The following POU2F1 variants were observed in gnomAD, a reference collection of about 807,000 sequenced individuals.
The protein encoded by POU2F1 is POU domain, class 2, transcription factor 1.
POU2F1 carries 16 observed loss-of-function variants against 84.9 expected under a neutral mutation model. The observed-to-expected ratio is 0.19, with a 90% confidence interval of 0.13 to 0.29. POU2F1 has a LOEUF of 0.29. POU2F1 is among the 10% of genes least tolerant of loss of function. The probability of loss-of-function intolerance (pLI) is 1.00; values close to 1 mark genes in which losing one functional copy is unlikely to be tolerated. For missense variants in POU2F1, 738 were observed against 942.6 expected (o/e 0.78, Z 2.84); for synonymous variants, 368 against 368.3 (o/e 1.00, Z 0.01).
chr1:167,358,122 CTTTTTTTTTT>C (rs763521021), intron 2 of POU2F1, among the ~76,000 whole-genome samples: 15 of 97,142 alleles, frequency 1.5e-4, no homozygotes, highest in African/African-American at 8.7e-5. Flanking sequence ...TTTTTCTTTT[CTTTTTTTTTT>C]TTTTTTTTTT....
Position 167,397,980 on chromosome 1 carries a change from C to A in POU2F1, c.1130-14C>A, listed in dbSNP as rs374910712. On this transcript the variant is annotated splice_polypyrimidine_tract_variant and intron_variant, in intron 10 of 15. Transcript: ENST00000367866. The stretch of plus-strand genomic sequence containing the variant: ...TCAGCTAATTTTATTTCTGTATTTT[C>A]TTCATTCTTACAGAGAACCTCTCAT... 4 of 1,600,496 alleles carry A rather than the reference C, an allele frequency of 2.5e-6. No individual in the cohort carries two copies. The African/African-American group carries it at 5.4e-5, about 22-fold the overall frequency.
intron 1 of POU2F1, among the ~76,000 whole-genome samples, chr1:167,315,452 A>G (rs1170875458): frequency 6.6e-6 from 1 of 152,112 alleles, no homozygotes; most frequent in Non-Finnish European, 1.5e-5. Flanking sequence ...AAACAGCCAA[A>G]AAGTCCCTCA....
chr1:167,343,779 T>C (rs1187812777), intron 2 of POU2F1, among the ~76,000 whole-genome samples: 1 of 151,310 alleles, frequency 6.6e-6, no homozygotes. Context: ...GGAACTGTAC[T>C]GTTGGGGAGT....
intron 1 of POU2F1, among the ~76,000 whole-genome samples, chr1:167,261,503 G>T (rs1332472169): frequency 6.6e-6 from 1 of 152,008 alleles, no homozygotes; most frequent in East Asian, 1.9e-4. Context: ...ATAGCTGTTG[G>T]CACAGTCTAG....
intron 2 of POU2F1, among the ~76,000 whole-genome samples, chr1:167,345,170 AAAAT>A (rs758627954): frequency 5.3e-5 from 8 of 152,186 alleles, no homozygotes; most frequent in East Asian, 1.9e-4. Context: ...AACTTAAAGT[AAAAT>A]AAATAAATAA....
intron 1 of POU2F1, among the ~76,000 whole-genome samples, chr1:167,277,451 G>A (rs552180868): frequency 7.6e-4 from 114 of 150,534 alleles, no homozygotes; most frequent in African/African-American, 2.6e-3. Flanking sequence ...TGTTCAGAAT[G>A]TCTGGGAACT....
Position 167,376,105 on chromosome 1 carries a change from A to G in POU2F1, c.668A>G (p.Asn223Ser), listed in dbSNP as rs767013357. The G allele has an allele frequency of 1.5e-5, 24 of 1,614,084 alleles. No individual in the cohort carries two copies. Among genetic ancestry groups the G allele is most frequent in the Middle Eastern group, 1.6e-4 (1 of 6,084 alleles). ...QQFVLVHPTT[N>S]LQPAQFIISQ... ...TTTGTGTTGGTGCATCCAACCACCA[A>G]TTTGCAGCCAGCGCAGTTTATCATC... The change falls in exon 7 of 16, where the codon AAT (asparagine) becomes AGT (serine). Residue 223 changes from asparagine (N) to serine (S), a missense_variant. This residue lies in a region of POU2F1 where 163 missense variants were observed against 214.4 expected (regional missense o/e 0.76). Transcript: ENST00000367866.
chr1:167,325,225 G>A (rs1656614284), intron 1 of POU2F1, among the ~76,000 whole-genome samples: 1 of 152,204 alleles, frequency 6.6e-6, no homozygotes, highest in Non-Finnish European at 1.5e-5. Context: ...GAAAAGAGAT[G>A]AAGGTTGGAA....
At chr1:167,413,170 TGTG>T in intron 15 of POU2F1, 56 bp downstream of exon 15, 2 of 1,217,576 alleles carry the variant, frequency 1.6e-6, no homozygotes, top group South Asian at 2.6e-5. Context: ...TGAGTGTGTG[TGTG>T]TGTGTGTGTG....
intron 2 of POU2F1, among the ~76,000 whole-genome samples, chr1:167,360,174 A>G (rs1028333253): frequency 5.3e-5 from 8 of 152,108 alleles, no homozygotes; most frequent in South Asian, 4.2e-4. Context: ...CAGTGTACCT[A>G]TCTCCTCAGT....
chr1:167,224,120 A>G (rs1414637257), intron 1 of POU2F1, among the ~76,000 whole-genome samples: 1 of 152,222 alleles, frequency 6.6e-6, no homozygotes, highest in Non-Finnish European at 1.5e-5. Flanking sequence ...AAAAGGATGG[A>G]TGTTGTTAAC....
intron 1 of POU2F1, among the ~76,000 whole-genome samples, chr1:167,306,759 T>C (rs1358590231): frequency 6.6e-6 from 1 of 152,204 alleles, no homozygotes; most frequent in Non-Finnish European, 1.5e-5. Flanking sequence ...TCTATGTCTG[T>C]CTTTGTTCAA....
rs1013784649 is a variant in POU2F1, at chr1:167,370,338, C to T, written c.282+124C>T. On this transcript the variant is annotated intron_variant, in intron 4 of 15. Transcript: ENST00000367866. ...TATTACCTTTTCAAAATTAGTGAAT[C>T]TCGTGAAGATTCAAATAATGATAAT... The T allele has an allele frequency of 4.2e-6, 3 of 714,912 alleles. No homozygotes were observed. The South Asian group carries it at 1.2e-4, about 28-fold the overall frequency. The allele number at this position is 714,912 out of a possible 1,614,324, so 44.3% of individuals were successfully genotyped here.
Position 167,393,984 on chromosome 1 carries a change from CATTTTATTTTATTTTATTTT to C in POU2F1, c.988-2277_988-2258del, listed in dbSNP as rs72197092. ...GTGAATATTTGATTGAATGAAGTAA[CATTTTATTTTATTTTATTTT>C]ATTTTATTTTATTTTATTTTATTTA... On this transcript the variant is annotated intron_variant, in intron 9 of 15. Transcript: ENST00000367866. Among the ~76,000 whole-genome samples, 36 of 148,424 alleles carry C rather than the reference CATTTTATTTTATTTTATTTT, an allele frequency of 2.4e-4. No individual in the cohort carries two copies. In the East Asian group the frequency reaches 4.5e-3, roughly 19 times the overall value.
chr1:167,287,473 G>A (rs944990033), intron 1 of POU2F1, among the ~76,000 whole-genome samples: 8 of 152,096 alleles, frequency 5.3e-5, no homozygotes, highest in African/African-American at 1.9e-4. Flanking sequence ...ACATCAGAAA[G>A]TTGCAGCAAA....
At chr1:167,281,062 C>G (rs1380640872) in intron 1 of POU2F1, among the ~76,000 whole-genome samples, 1 of 152,156 alleles carries the variant, frequency 6.6e-6, no homozygotes, top group East Asian at 1.9e-4. Flanking sequence ...GATTACATCC[C>G]CATAGGAAGA....
intron 1 of POU2F1, among the ~76,000 whole-genome samples, chr1:167,312,237 A>ATT (rs71572443): frequency 1.1e-3 from 150 of 132,926 alleles, no homozygotes; most frequent in African/African-American, 3.8e-3. Flanking sequence ...TGCCCAGCCA[A>ATT]TTTTTTTTTT....
chr1:167,318,618 T>C (rs747576630), intron 1 of POU2F1, among the ~76,000 whole-genome samples: 1 of 152,234 alleles, frequency 6.6e-6, no homozygotes, highest in Non-Finnish European at 1.5e-5. Context: ...AAAGCATGTG[T>C]AACTGTGTCA....
Position 167,427,036 on chromosome 1 carries a change from CACAGGCA to C in POU2F1, c.*11229_*11235del, listed in dbSNP as rs1280896343. On this transcript the variant is annotated 3_prime_UTR_variant, in exon 16 of 16. Transcript: ENST00000367866. ...TTTTCTTGGTTTTGAAAACCTGAAA[CACAGGCA>C]ACTTTACATTTTGGGGAATTAGCTG... The C allele has an allele frequency of 1.3e-5, 2 of 152,210 alleles. No homozygotes were observed. Among genetic ancestry groups the C allele is most frequent in the African/African-American group, 4.8e-5 (2 of 41,460 alleles). The allele number at this position is 152,210 out of a possible 1,614,324, so 9.4% of individuals were successfully genotyped here. A position where few individuals can be genotyped will look rare whatever the true frequency, so the allele number is the denominator to read the frequency against.
Sources: gnomAD v4.1 joint callset for allele counts (sites outside exome capture counted in the v4.1 genomes callset) on GRCh38, gnomAD v4.1.1 for gene constraint, gnomAD v4.1.1 regional missense constraint, MANE v1.5 for transcripts, NCBI Gene and HGNC (gene_info 2026-07-23, HGNC 2026-07-21) for gene names.